CA5B: variants seen among roughly 807,000 people sequenced by gnomAD.
CA5B encodes carbonic anhydrase 5B, mitochondrial.
Under a neutral mutation model 23.1 loss-of-function variants are expected in CA5B, and 15 were observed. That is an observed-to-expected ratio of 0.65 (90% CI 0.43 to 1.00). CA5B has a LOEUF of 1.00. Ranked by LOEUF, CA5B falls within the 50% of genes least tolerant of loss-of-function variation. The probability of loss-of-function intolerance (pLI) is 0.00; values close to 1 mark genes in which losing one functional copy is unlikely to be tolerated. For missense variants in CA5B, 236 were observed against 252.2 expected, an observed-to-expected ratio of 0.94 and a Z score of 0.43; for synonymous variants, 84 against 98.5, an observed-to-expected ratio of 0.85 and a Z score of 0.87.
In CA5B at chrX:15,764,599, T is replaced by A; in HGVS notation, c.164T>A (p.Val55Glu). ...CTAGTGCATCCACTCTGGGAGAGCG[T>A]GGACCTGGTTCCTGGGGGCGATCGC... ...NRALHPLWES[V>E]DLVPGGDRQS... The change falls in exon 3 of 8, where the codon GTG (valine) becomes GAG (glutamate). Residue 55 changes from valine to glutamate, a missense_variant. Around this residue, in one of 3 missense-constraint regions of CA5B, gnomAD observed 54 missense variants for 46.6 expected, o/e 1.16. Coordinates refer to ENST00000318636, the MANE Select transcript of CA5B (RefSeq NM_007220.4). 8.3e-7 allele frequency: 1 copy of A among 1,205,153 alleles called. No individual in the cohort carries two copies. Among genetic ancestry groups the A allele is most frequent in the Non-Finnish European group, 1.1e-6 (1 of 892,619 alleles).
chrX:15,777,378 A>G (rs956787996), intron 7 of CA5B, among the ~76,000 whole-genome samples: 1 of 111,698 alleles, frequency 9.0e-6, no homozygotes, highest in Non-Finnish European at 1.9e-5. Flanking sequence ...AACACTCAAA[A>G]TCCTGTATAA....
chrX:15,781,039 C>A (rs1326767452), intron 7 of CA5B, among the ~76,000 whole-genome samples: 1 of 107,570 alleles, frequency 9.3e-6, no homozygotes, highest in Non-Finnish European at 1.9e-5. Flanking sequence ...AGTCCAGTGG[C>A]GCGTGCCCAG....
At chrX:15,752,734 A>T (rs1370511594) in intron 2 of CA5B, among the ~76,000 whole-genome samples, 1 of 111,241 alleles carries the variant, frequency 9.0e-6, no homozygotes, top group Admixed American at 9.5e-5. Flanking sequence ...CAAAAAAAAA[A>T]AAAATCTCTG....
chrX:15,768,260 G>A (rs965584936), intron 3 of CA5B, among the ~76,000 whole-genome samples: 7 of 110,271 alleles, frequency 6.3e-5, no homozygotes, highest in African/African-American at 2.3e-4. Flanking sequence ...CTCCCACCTC[G>A]GCCTCCCAAA....
chrX:15,740,396 A>G (rs1047573321), intron 1 of CA5B, among the ~76,000 whole-genome samples: 5 of 112,734 alleles, frequency 4.4e-5, no homozygotes, highest in Non-Finnish European at 7.5e-5. Context: ...CTCTTAAAAA[A>G]CTATAACTTC....
chrX:15,764,654 C>G lies in CA5B; in HGVS notation c.219C>G (p.Asp73Glu), dbSNP rs1384916161. Residue 73 changes from aspartate to glutamate, a missense_variant, in exon 3 of 8, where the codon GAC (aspartate) becomes GAG (glutamate). Coordinates refer to ENST00000318636, the MANE Select transcript of CA5B (RefSeq NM_007220.4). ...RQSPINIRWR[D>E]SVYDPGLKPL... ...CACCCATCAACATTCGGTGGAGGGA[C>G]AGTGTTTATGATCCCGGCTTAAAAC... 8 of 1,194,227 alleles carry G rather than the reference C, an allele frequency of 6.7e-6. No homozygotes were observed. The highest frequency in any genetic ancestry group is 9.0e-6 in the Non-Finnish European group (8 of 887,483).
intron 2 of CA5B, among the ~76,000 whole-genome samples, chrX:15,760,434 A>G (rs1215738877): frequency 2.7e-5 from 3 of 111,512 alleles, no homozygotes; most frequent in Non-Finnish European, 5.6e-5. Flanking sequence ...GTAGGAGGAA[A>G]GAAACCTTCT....
rs755516100 is a variant in CA5B at position 15,782,471 on chromosome X, GTTTCTA to G, written c.775-7_775-2del. 8.4e-7 allele frequency: 1 copy of G among 1,196,691 alleles called. No individual in the cohort carries two copies. Among genetic ancestry groups the G allele is most frequent in the East Asian group, 3.0e-5 (1 of 33,746 alleles). ...TCTGTTGAAATTATTTATGCTTTCT[GTTTCTA>G]TTTCTAGCTTGAGCAATTTCGGACC... On this transcript the variant is annotated splice_region_variant and splice_polypyrimidine_tract_variant and intron_variant, in intron 7 of 7. Coordinates refer to ENST00000318636, the MANE Select transcript of CA5B (RefSeq NM_007220.4).
intron 1 of CA5B, among the ~76,000 whole-genome samples, chrX:15,747,565 C>G (rs1931260497): frequency 9.0e-6 from 1 of 110,534 alleles, no homozygotes; most frequent in Non-Finnish European, 1.9e-5. Context: ...CATGAACAGA[C>G]AATTGTTGAA....
intron 2 of CA5B, among the ~76,000 whole-genome samples, chrX:15,760,458 G>A (rs1308382525): frequency 9.0e-6 from 1 of 111,334 alleles, no homozygotes; most frequent in Non-Finnish European, 1.9e-5. Flanking sequence ...AGCTGAACTT[G>A]TAAACTCAAG....
At position 15,787,789 on chromosome X, in the gene CA5B, T is replaced by G. The variant is rs1021356127; in HGVS notation, c.*5125T>G. On this transcript the variant is annotated 3_prime_UTR_variant, in exon 8 of 8. Coordinates refer to ENST00000318636, the MANE Select transcript of CA5B (RefSeq NM_007220.4). ...CAATATGGTGAAACCCCGTCTCTAC[T>G]AAAAAATACAAAAATTAGCCAGGTG... is the stretch of plus-strand genomic sequence containing the variant. The G allele has an allele frequency of 9.0e-6, 1 of 111,725 alleles. No individual in the cohort carries two copies. The highest frequency in any genetic ancestry group is 3.3e-5 in the African/African-American group (1 of 30,717). 9.2% of individuals were successfully genotyped at this position (111,725 alleles called of 1,213,427 possible).
chrX:15,782,880 C>CT lies in CA5B; in HGVS notation c.*226dup, dbSNP rs113366340. ...AGATACCTGTTGGTAATTGTAATGC[C>CT]TTTTTTTTTTCTTTAAGAGACTAGG... On this transcript the variant is annotated 3_prime_UTR_variant, in exon 8 of 8. Transcript: ENST00000318636. 3,127 of 290,194 alleles carry CT rather than the reference C, an allele frequency of 0.011. No individual in the cohort carries two copies. The highest frequency in any genetic ancestry group is 0.013 in the Middle Eastern group (14 of 1,073). 23.9% of individuals were successfully genotyped at this position (290,194 alleles called of 1,213,427 possible).
chrX:15,780,617 A>C (rs1394000172), intron 7 of CA5B, among the ~76,000 whole-genome samples: 1 of 112,190 alleles, frequency 8.9e-6, no homozygotes, highest in Non-Finnish European at 1.9e-5. Context: ...TATTATTTTT[A>C]AGGACTATAT....
Position 15,758,968 on chromosome X carries a change from C to T in CA5B, c.143-5610C>T, listed in dbSNP as rs182577049. On this transcript the variant is annotated intron_variant, in intron 2 of 7. Coordinates refer to ENST00000318636, the MANE Select transcript of CA5B (RefSeq NM_007220.4). Reference sequence around the variant, plus strand: ...ACATACGCATATAATTATAACTGCACCTATGTAATAAATGTCATGAAAGAA... The same window carrying T: ...ACATACGCATATAATTATAACTGCATCTATGTAATAAATGTCATGAAAGAA... Among the ~76,000 whole-genome samples the T allele has an allele frequency of 3.1e-3, 341 of 111,097 alleles. 1 individual carries two copies. The highest frequency in any genetic ancestry group is 5.4e-3 in the Non-Finnish European group (287 of 52,970).
chrX:15,776,947 A>G, intron 7 of CA5B, 78 bp downstream of exon 7: 1 of 874,556 alleles, frequency 1.1e-6, no homozygotes, highest in South Asian at 2.3e-5. Context: ...AGACTGTGGC[A>G]TCAGTTTTAA....
At chrX:15,782,177 C>G (rs928740809) in intron 7 of CA5B, among the ~76,000 whole-genome samples, 4 of 111,919 alleles carry the variant, frequency 3.6e-5, no homozygotes, top group African/African-American at 1.3e-4. Flanking sequence ...GATGAATTAA[C>G]TCATCCTTGG....
intron 1 of CA5B, among the ~76,000 whole-genome samples, chrX:15,745,477 A>G (rs1368978322): frequency 8.9e-6 from 1 of 112,661 alleles, no homozygotes; most frequent in Non-Finnish European, 1.9e-5. Flanking sequence ...GAATTTGTAC[A>G]TTTACAGCTG....
At chrX:15,747,833 GAAGATTA>G (rs1239927763) in intron 1 of CA5B, among the ~76,000 whole-genome samples, 1 of 111,333 alleles carries the variant, frequency 9.0e-6, no homozygotes, top group East Asian at 2.8e-4. Flanking sequence ...CTCACACGGA[GAAGATTA>G]ACGACAGGGA....
intron 3 of CA5B, chrX:15,765,175 A>G (rs1931681445): frequency 1.7e-5 from 2 of 119,140 alleles, no homozygotes; most frequent in South Asian, 7.1e-4. Context: ...GAGTTAACTT[A>G]GCAGATTACA....
Sources: gnomAD v4.1 joint callset for allele counts (sites outside exome capture counted in the v4.1 genomes callset) on GRCh38, gnomAD v4.1.1 for gene constraint, gnomAD v4.1.1 regional missense constraint, MANE v1.5 for transcripts, NCBI Gene and HGNC (gene_info 2026-07-23, HGNC 2026-07-21) for gene names.